NT5M: variants seen among roughly 807,000 people sequenced by gnomAD.
NT5M encodes 5'(3')-deoxyribonucleotidase, mitochondrial.
In NT5M, 22 loss-of-function variants were observed where a neutral mutation model predicts 22.2. The observed-to-expected ratio is 0.99, with a 90% CI of 0.71 to 1.41. The LOEUF (loss-of-function observed/expected upper bound fraction) is 1.41. Ranked by LOEUF, NT5M falls within the 40% of genes most tolerant of loss-of-function variation. NT5M has a pLI of 0.00. For missense variants in NT5M, 322 were observed against 314.8 expected, an observed-to-expected ratio of 1.02 and a Z score of -0.17; for synonymous variants, 167 against 133.0, an observed-to-expected ratio of 1.26 and a Z score of -1.76.
At chr17:17,345,896 G>C (rs2049748126) in intron 4 of NT5M, among the ~76,000 whole-genome samples, 1 of 152,180 alleles carries the variant, frequency 6.6e-6, no homozygotes, top group Non-Finnish European at 1.5e-5. Flanking sequence ...GAGGGCTTTG[G>C]CCGGCCAAAT....
In NT5M at chr17:17,346,076, C is replaced by T. The variant is rs2049751770; in HGVS notation, c.545-729C>T. 2.6e-5 allele frequency among the ~76,000 whole-genome samples: 4 copies of T among 152,342 alleles called. No homozygotes were observed. The South Asian group carries it at 8.3e-4, about 32-fold the overall frequency. On this transcript the variant is annotated intron_variant, in intron 4 of 4. Transcript: ENST00000389022. ...TTTTCCCTGATTGTTTTAGAACTGG[C>T]TTGGGAAACATGCCCACCTCCATCA...
In NT5M at chr17:17,325,472, C is replaced by T. The variant is rs561212327; in HGVS notation, c.429+2227C>T. ...CCAGCCTGTTGGTGAGTCCCATGTCCCATGGGACCGATTTCGAAAACGTGC... is the reference window on the plus strand; with the variant it reads ...CCAGCCTGTTGGTGAGTCCCATGTCTCATGGGACCGATTTCGAAAACGTGC... On this transcript the variant is annotated intron_variant, in intron 3 of 4. Coordinates refer to ENST00000389022, the MANE Select transcript of NT5M (RefSeq NM_020201.4). Among the ~76,000 whole-genome samples, 198 of 152,168 alleles carry T rather than the reference C, an allele frequency of 1.3e-3. 1 individual carries two copies. The highest frequency in any genetic ancestry group is 4.6e-3 in the African/African-American group (192 of 41,514).
intron 3 of NT5M, among the ~76,000 whole-genome samples, chr17:17,329,108 G>T (rs1433801370): frequency 6.6e-6 from 1 of 152,104 alleles, no homozygotes; most frequent in Non-Finnish European, 1.5e-5. Context: ...CTCCCGAGTA[G>T]CTGGGACTAC....
intron 1 of NT5M, chr17:17,304,578 A>G (rs547994101): frequency 4.3e-4 from 120 of 281,524 alleles, no homozygotes; most frequent in Non-Finnish European, 6.1e-4. Context: ...TTGGCCACCT[A>G]GGGTTGCTGC....
chr17:17,318,734 G>A (rs1285952975), intron 2 of NT5M, among the ~76,000 whole-genome samples: 2 of 129,500 alleles, frequency 1.5e-5, no homozygotes, highest in Admixed American at 9.9e-5. Flanking sequence ...GCAGTGAGCC[G>A]AGATCACGCC....
At chr17:17,345,802 C>A (rs1179062650) in intron 4 of NT5M, among the ~76,000 whole-genome samples, 2 of 152,120 alleles carry the variant, frequency 1.3e-5, no homozygotes, top group African/African-American at 4.8e-5. Flanking sequence ...CAGAGTAAGA[C>A]CCTGTCTCCA....
At chr17:17,341,812 C>T (rs928262257) in intron 3 of NT5M, among the ~76,000 whole-genome samples, 7 of 152,150 alleles carry the variant, frequency 4.6e-5, no homozygotes, top group Admixed American at 2.0e-4. Context: ...GGGCGGATCA[C>T]AAGGTCAGGA....
intron 2 of NT5M, among the ~76,000 whole-genome samples, chr17:17,322,932 C>T (rs932616926): frequency 6.6e-6 from 1 of 152,216 alleles, no homozygotes; most frequent in Admixed American, 6.5e-5. Context: ...CTCTGCATTG[C>T]AGGAGGCCCT....
chr17:17,336,978 A>G (rs954403624), intron 3 of NT5M, among the ~76,000 whole-genome samples: 5 of 152,092 alleles, frequency 3.3e-5, no homozygotes, highest in African/African-American at 1.2e-4. Flanking sequence ...TATCTTTTCC[A>G]TATACTGATT....
chr17:17,311,402 A>G (rs2048919831), intron 2 of NT5M, among the ~76,000 whole-genome samples: 1 of 151,840 alleles, frequency 6.6e-6, no homozygotes, highest in South Asian at 2.1e-4. Flanking sequence ...TTTTGAGTTA[A>G]TTTTTGTATA....
At chr17:17,312,949 G>A (rs967025332) in intron 2 of NT5M, among the ~76,000 whole-genome samples, 1 of 152,000 alleles carries the variant, frequency 6.6e-6, no homozygotes, top group African/African-American at 2.4e-5. Flanking sequence ...TCCTGCCTGA[G>A]CAACAGAGCA....
Position 17,306,646 on chromosome 17 carries a change from A to T in NT5M, c.368+3A>T. 2 of 1,605,822 alleles carry T rather than the reference A, an allele frequency of 1.2e-6. No homozygotes were observed. Among genetic ancestry groups the T allele is most frequent in the Non-Finnish European group, 8.5e-7 (1 of 1,172,498 alleles). Reference sequence around the variant, plus strand: ...AAGGAGATGGCCAGCCTACAAAAGTAAGTTTGTCCTCCCAGCCACTCAGTA... The same window carrying T: ...AAGGAGATGGCCAGCCTACAAAAGTTAGTTTGTCCTCCCAGCCACTCAGTA... On this transcript the variant is annotated splice_donor_region_variant and intron_variant, in intron 2 of 4. Coordinates refer to ENST00000389022, the MANE Select transcript of NT5M (RefSeq NM_020201.4).
intron 3 of NT5M, among the ~76,000 whole-genome samples, chr17:17,332,696 A>G (rs1427267475): frequency 6.6e-6 from 1 of 152,180 alleles, no homozygotes; most frequent in East Asian, 1.9e-4. Flanking sequence ...GATAAACCTA[A>G]CAGACCCTTG....
chr17:17,304,855 A>G (rs961944309), intron 1 of NT5M, among the ~76,000 whole-genome samples: 1 of 152,170 alleles, frequency 6.6e-6, no homozygotes, highest in African/African-American at 2.4e-5. Flanking sequence ...TGACATCAGA[A>G]AGATGCCTCA....
intron 4 of NT5M, 80 bp from the exon 5 acceptor site, chr17:17,346,725 C>G: frequency 6.4e-7 from 1 of 1,562,460 alleles, no homozygotes; most frequent in Non-Finnish European, 8.7e-7. Flanking sequence ...AGATGCCTGC[C>G]TGGATACCCA....
intron 2 of NT5M, among the ~76,000 whole-genome samples, chr17:17,315,515 T>C (rs995883127): frequency 2.5e-4 from 38 of 152,254 alleles, no homozygotes; most frequent in African/African-American, 8.9e-4. Flanking sequence ...GAGCTGAGAA[T>C]TGACATCAGA....
chr17:17,345,397 C>T (rs968397022), intron 4 of NT5M: 4 of 413,320 alleles, frequency 9.7e-6, no homozygotes, highest in African/African-American at 2.2e-5. Flanking sequence ...GGGAGATGGG[C>T]GTGGTGACTC....
At chr17:17,320,121 C>T (rs1035656697) in intron 2 of NT5M, among the ~76,000 whole-genome samples, 2 of 152,192 alleles carry the variant, frequency 1.3e-5, no homozygotes, top group African/African-American at 2.4e-5. Flanking sequence ...GGATTACAGG[C>T]GTGAGCCACC....
At chr17:17,317,939 G>A (rs769391592) in intron 2 of NT5M, among the ~76,000 whole-genome samples, 1 of 138,602 alleles carries the variant, frequency 7.2e-6, no homozygotes, top group Non-Finnish European at 1.5e-5. Flanking sequence ...TCCAGCCTAG[G>A]TGACAGAGTG....
Sources: allele counts gnomAD v4.1 joint callset (sites outside exome capture counted in the v4.1 genomes callset), GRCh38; gene constraint gnomAD v4.1.1; transcripts MANE v1.5; gene names NCBI Gene and HGNC (gene_info 2026-07-23, HGNC 2026-07-21).